Variants in PPP1R3F observed in about 807,000 individuals in gnomAD.
PPP1R3F encodes protein phosphatase 1, regulatory (inhibitor) subunit 3F.
PPP1R3F carries 29 observed loss-of-function variants against 24.2 expected under a neutral mutation model. The observed-to-expected ratio is 1.20, with a 90% CI of 0.89 to 1.63. The LOEUF (loss-of-function observed/expected upper bound fraction) is 1.63, where lower values mean the gene tolerates loss of function less well. Among genes scored for constraint, PPP1R3F ranks in the 40% most tolerant of loss-of-function variants. PPP1R3F has a pLI of 0.00. For synonymous variants in PPP1R3F, 363 were observed against 340.1 expected (o/e 1.07, Z -0.74); for missense variants, 823 against 729.3 (o/e 1.13, Z -1.48).
intron 3 of PPP1R3F, among the ~76,000 whole-genome samples, chrX:49,283,122 T>C (rs927041413): frequency 9.0e-6 from 1 of 111,038 alleles, no homozygotes; most frequent in Non-Finnish European, 1.9e-5. Flanking sequence ...TCAGTAAATA[T>C]CAACACGTGC....
rs61353822 is a variant in PPP1R3F at position 49,297,828 on chromosome X, C to CTTTTT, written c.393-3502_393-3498dup. On this transcript the variant is annotated intron_variant, in intron 3 of 3. Transcript: ENST00000471261. ...TCAGAGACTAGGATTGCAACCCCTG[C>CTTTTT]TTTTTTTTTTTTTTTTTTTTTTTTT... Among the ~76,000 whole-genome samples, 31 of 19,621 alleles carry CTTTTT rather than the reference C, an allele frequency of 1.6e-3. 1 individual carries two copies. The highest frequency in any genetic ancestry group is 9.7e-3 in the South Asian group (1 of 103). The allele number at this position is 19,621 out of a possible 115,157, so 17.0% of individuals were successfully genotyped here.
chrX:49,272,561 G>T (rs4824747), intron 1 of PPP1R3F, among the ~76,000 whole-genome samples: 11,191 of 112,524 alleles, frequency 0.099, 517 homozygotes, highest in South Asian at 0.26. Context: ...CAGTTTCCTG[G>T]ATTCCTCTCC....
Position 49,270,883 on chromosome X carries a change from G to T in PPP1R3F, c.1004+10G>T. The T allele has an allele frequency of 8.6e-7, 1 of 1,164,281 alleles. No individual in the cohort carries two copies. Among genetic ancestry groups the T allele is most frequent in the Non-Finnish European group, 1.1e-6 (1 of 871,294 alleles). On this transcript the variant is annotated intron_variant, in intron 1 of 3. Transcript: ENST00000055335. ...AGCCGGTGAGGCGCAGGTAATGTCAGCCAGCGCCACCTCCGCCAACGCAGG... is the reference window on the plus strand; with the variant it reads ...AGCCGGTGAGGCGCAGGTAATGTCATCCAGCGCCACCTCCGCCAACGCAGG...
intron 3 of PPP1R3F, among the ~76,000 whole-genome samples, chrX:49,298,053 G>A (rs1399300283): frequency 9.1e-6 from 1 of 110,375 alleles, no homozygotes; most frequent in African/African-American, 3.3e-5. Flanking sequence ...ATTTGATCCT[G>A]TCATTATGAT....
chrX:49,272,653 G>A (rs1405603693), intron 1 of PPP1R3F, among the ~76,000 whole-genome samples: 3 of 112,877 alleles, frequency 2.7e-5, no homozygotes, highest in Non-Finnish European at 5.6e-5. Flanking sequence ...ACTTTGCATG[G>A]TTGGATTGAA....
chrX:49,273,367 T>C (rs922760289), intron 1 of PPP1R3F: 4 of 112,072 alleles, frequency 3.6e-5, no homozygotes, highest in Non-Finnish European at 7.5e-5. Context: ...TTAACATACA[T>C]GGGCGGTTTT....
chrX:49,286,578 G>C lies in PPP1R3F; in HGVS notation c.1888G>C (p.Val630Leu). ...AGAGGGCTCAGGATGTGACGGCCCT[G>C]TGGTTCTGGGTACAGAGGGTCAGTT... ...WAEGSGCDGPVVLGTEGQFIG... is the reference protein window; with the variant it reads ...WAEGSGCDGPLVLGTEGQFIG... The change falls in exon 4 of 4, where the codon GTG (valine) becomes CTG (leucine). Residue 630 changes from valine (V) to leucine (L), a missense_variant. By Grantham distance (32) the Val-to-Leu change is conservative (BLOSUM62 1). Transcript: ENST00000055335. 8.3e-7 allele frequency: 1 copy of C among 1,211,626 alleles called. No individual in the cohort carries two copies. The highest frequency in any genetic ancestry group is 1.1e-6 in the Non-Finnish European group (1 of 895,279).
In PPP1R3F at chrX:49,285,830, C is replaced by T; in HGVS notation, c.1144-4C>T. The stretch of plus-strand genomic sequence containing the variant: ...CTGCCCCCTTGCCCCGGCCATGGCT[C>T]CAGGTTTCTGACGTTCCGATGACTG... On this transcript the variant is annotated splice_region_variant and splice_polypyrimidine_tract_variant and intron_variant, in intron 3 of 3. Transcript: ENST00000055335. 4 of 1,134,630 alleles carry T rather than the reference C, an allele frequency of 3.5e-6. No individual in the cohort carries two copies. Among genetic ancestry groups the T allele is most frequent in the Non-Finnish European group, 4.7e-6 (4 of 854,673 alleles). 93.5% of individuals were successfully genotyped at this position (1,134,630 alleles called of 1,213,427 possible).
chrX:49,297,828 C>CTTTTTTTTTTTTT (rs61353822), intron 3 of PPP1R3F, among the ~76,000 whole-genome samples: 12 of 19,619 alleles, frequency 6.1e-4, no homozygotes, highest in East Asian at 2.1e-3. Context: ...GCAACCCCTG[C>CTTTTTTTTTTTTT]TTTTTTTTTT....
chrX:49,278,973 A>G (rs2066230950), intron 1 of PPP1R3F, among the ~76,000 whole-genome samples: 1 of 112,607 alleles, frequency 8.9e-6, no homozygotes, highest in South Asian at 3.6e-4. Context: ...TTGTGATGTG[A>G]AGTGTATGAC....
chrX:49,301,254 A>T, intron 3 of PPP1R3F: 1 of 398,661 alleles, frequency 2.5e-6, no homozygotes, highest in South Asian at 2.6e-5. Context: ...TTGTCTATTT[A>T]ATAAAACCCA....
In PPP1R3F at chrX:49,286,693, A is replaced by C. The variant is rs375932115; in HGVS notation, c.2003A>C (p.Glu668Ala). The C allele has an allele frequency of 1.6e-4, 194 of 1,207,289 alleles. No individual in the cohort carries two copies. In the Admixed American group the frequency reaches 4.2e-3, roughly 26 times the overall value. The change falls in exon 4 of 4, where the codon GAG becomes GCG. Residue 668 changes from glutamate (E) to alanine (A), a missense_variant. Glu to Ala is a moderately radical substitution (Grantham distance 107). Transcript: ENST00000055335. ...GCTGGGGTGACTGAGTCCCTGGGGGAGGCCGGGACAGAAGCCCAGATAGAG... is the reference window on the plus strand; with the variant it reads ...GCTGGGGTGACTGAGTCCCTGGGGGCGGCCGGGACAGAAGCCCAGATAGAG... ...VIAGVTESLGEAGTEAQIEVT... is the reference protein window; with the variant it reads ...VIAGVTESLGAAGTEAQIEVT...
Position 49,287,397 on chromosome X carries a change from A to G in PPP1R3F, c.*307A>G, listed in dbSNP as rs1438237095. 1.1e-5 allele frequency: 3 copies of G among 275,250 alleles called. No homozygotes were observed. Among genetic ancestry groups the G allele is most frequent in the Non-Finnish European group, 1.9e-5 (3 of 158,376 alleles). 22.7% of individuals were successfully genotyped at this position (275,250 alleles called of 1,213,427 possible). The stretch of plus-strand genomic sequence containing the variant: ...GGTCGTGAGCTGGTCTTGGGGCACA[A>G]TTACCCAGAGATATATTTATTAACA... On this transcript the variant is annotated 3_prime_UTR_variant, in exon 4 of 4. Transcript: ENST00000055335.
At chrX:49,281,610 G>A in intron 2 of PPP1R3F, 149 bp downstream of exon 2, 1 of 466,149 alleles carries the variant, frequency 2.1e-6, no homozygotes. Flanking sequence ...CAGGAGGATT[G>A]CTTGAGGCCA....
Position 49,285,947 on chromosome X carries a change from C to T in PPP1R3F, c.1257C>T (p.Pro419=). The change falls in exon 4 of 4, where the codon CCC becomes CCT. Residue 419 remains proline (P), a synonymous_variant. Coordinates refer to ENST00000055335, the MANE Select transcript of PPP1R3F (RefSeq NM_033215.5). ...AGGCACCGGCCATCAGGATTCCCCC[C>T]TCCTCCCCTCTCTGTGGCCTGGGTG... ...VLQAPAIRIP[P]SSPLCGLGGS... is the part of the protein sequence containing the mutation. 8.3e-7 allele frequency: 1 copy of T among 1,208,212 alleles called. No individual in the cohort carries two copies. The highest frequency in any genetic ancestry group is 1.1e-6 in the Non-Finnish European group (1 of 893,294).
chrX:49,280,956 T>C (rs1363321593), intron 1 of PPP1R3F: 1 of 115,368 alleles, frequency 8.7e-6, no homozygotes, highest in African/African-American at 3.2e-5. Flanking sequence ...TGGTTTGCTT[T>C]GCAACCTCTA....
At chrX:49,282,677 A>G (rs1557120868) in intron 3 of PPP1R3F, among the ~76,000 whole-genome samples, 1 of 108,820 alleles carries the variant, frequency 9.2e-6, no homozygotes, top group African/African-American at 3.4e-5. Flanking sequence ...TGTGAGGGAC[A>G]GTGTAGAAGC....
At chrX:49,290,090 C>CG (rs1207239673), downstream of PPP1R3F, among the ~76,000 whole-genome samples, 4 of 110,733 alleles carry the variant, frequency 3.6e-5, no homozygotes, top group African/African-American at 1.3e-4. Context: ...AACAACCCCC[C>CG]CCATACATTT....
intron 1 of PPP1R3F, chrX:49,273,395 G>C (rs1277825441): frequency 8.9e-6 from 1 of 112,272 alleles, no homozygotes; most frequent in African/African-American, 3.2e-5. Flanking sequence ...AATTGAAGCA[G>C]CCTGTTCAGA....
Sources: allele counts gnomAD v4.1 joint callset (sites outside exome capture counted in the v4.1 genomes callset), GRCh38; gene constraint gnomAD v4.1.1; transcripts MANE v1.5; gene names NCBI Gene and HGNC (gene_info 2026-07-23, HGNC 2026-07-21).